Variants in ZNF729 observed in about 807,000 individuals in gnomAD.
ZNF729 encodes zinc finger protein 729.
A neutral mutation model predicts 12.2 loss-of-function variants in ZNF729; 15 were observed. The ratio of observed to expected loss-of-function variants is 1.23; its 90% confidence interval spans 0.82 to 1.89. The LOEUF is 1.89. Among genes scored for constraint, ZNF729 ranks in the 40% most tolerant of loss-of-function variants. ZNF729 has a pLI of 0.00. For synonymous variants in ZNF729, 492 were observed against 476.3 expected (o/e 1.03, Z -0.43); for missense variants, 1,540 against 1,456.7 (o/e 1.06, Z -0.93).
chr19:22,289,226 AT>A (rs373375131), intron 1 of ZNF729, among the ~76,000 whole-genome samples: 2,563 of 140,420 alleles, frequency 0.018, 24 homozygotes, highest in African/African-American at 0.045. Flanking sequence ...CCATTTGTTA[AT>A]TTTTTTTTTT....
chr19:22,286,572 C>A lies in ZNF729; in HGVS notation c.30+17C>A. 1 of 1,613,930 alleles carries A rather than the reference C, an allele frequency of 6.2e-7. No homozygotes were observed. The highest frequency in any genetic ancestry group is 8.5e-7 in the Non-Finnish European group (1 of 1,179,996). On this transcript the variant is annotated intron_variant, in intron 1 of 3. Transcript: ENST00000601693. ...CTAGAAATGGTGAGAGTGCCGGGTC[C>A]GACATCCCGAGAAGGGGAAGGGGCT...
intron 3 of ZNF729, among the ~76,000 whole-genome samples, chr19:22,310,084 A>C (rs1968432890): frequency 6.6e-6 from 1 of 152,066 alleles, no homozygotes; most frequent in Non-Finnish European, 1.5e-5. Context: ...GCTTTGCTGA[A>C]TTATTTTATC....
chr19:22,291,275 CTG>C (rs1022884274), intron 1 of ZNF729, among the ~76,000 whole-genome samples: 1 of 152,112 alleles, frequency 6.6e-6, no homozygotes, highest in Non-Finnish European at 1.5e-5. Flanking sequence ...GCCCATTATC[CTG>C]TGATTTCAGA....
intron 3 of ZNF729, 63 bp from the exon 4 acceptor site, chr19:22,313,607 AT>A: frequency 7.3e-7 from 1 of 1,362,188 alleles, no homozygotes; most frequent in South Asian, 1.9e-5. Context: ...TATAGGTTAG[AT>A]TTGTAAAGTA....
intron 3 of ZNF729, among the ~76,000 whole-genome samples, chr19:22,307,636 G>T (rs192697929): frequency 6.6e-6 from 1 of 150,462 alleles, no homozygotes; most frequent in South Asian, 2.1e-4. Context: ...CCAGGTACTC[G>T]GGAGGCTGAA....
In ZNF729 at chr19:22,313,931, G is replaced by T; in HGVS notation, c.514G>T (p.Val172Phe). 1.3e-6 allele frequency: 2 copies of T among 1,533,636 alleles called. No homozygotes were observed. The highest frequency in any genetic ancestry group is 1.8e-6 in the Non-Finnish European group (2 of 1,141,826). Residue 172 changes from valine to phenylalanine, a missense_variant, in exon 4 of 4, where the codon GTT becomes TTT. Coordinates refer to ENST00000601693, the MANE Select transcript of ZNF729 (RefSeq NM_001242680.2). ...VFHKYSNRNK[V>F]RHTKKKTFKC... The stretch of plus-strand genomic sequence containing the variant: ...TCATAAATATTCAAATAGAAATAAG[G>T]TTAGACACACTAAAAAGAAAACTTT...
intron 1 of ZNF729, among the ~76,000 whole-genome samples, chr19:22,295,525 G>C (rs1203033056): frequency 1.3e-5 from 2 of 151,774 alleles, no homozygotes; most frequent in African/African-American, 4.8e-5. Flanking sequence ...CGAGTAGCTG[G>C]GACTACAGGC....
rs775774033 is a variant in ZNF729, at chr19:22,316,137, C to T, written c.2720C>T (p.Pro907Leu). The change falls in exon 4 of 4, where the codon CCC (proline) becomes CTC (leucine). Residue 907 changes from proline (P) to leucine (L), a missense_variant. Physicochemically the swap from Pro to Leu is moderately conservative, Grantham distance 98. Transcript: ENST00000601693. ...AAGGTAATTCATACTGCAGAGAAAC[C>T]CTGTAAATGTGAAGAATGTGGCAAA... ...VHKVIHTAEK[P>L]CKCEECGKAF... is the part of the protein sequence containing the mutation. 1.9e-6 allele frequency: 3 copies of T among 1,608,700 alleles called. No homozygotes were observed. The highest frequency in any genetic ancestry group is 4.5e-5 in the East Asian group (2 of 44,716).
rs1968537914 is a variant in ZNF729 at position 22,316,192 on chromosome 19, A to G, written c.2775A>G (p.Lys925=). The change falls in exon 4 of 4, where the codon AAA becomes AAG. Residue 925 remains lysine (K), a synonymous_variant. Transcript: ENST00000601693. Reference sequence around the variant, plus strand: ...TTAAGCATTTCTCAGCCCTTAGAAAACATAAGATAATTCATACTGGAAAGA... The same window carrying G: ...TTAAGCATTTCTCAGCCCTTAGAAAGCATAAGATAATTCATACTGGAAAGA... ...KAFKHFSALR[K]HKIIHTGKKP... is the part of the protein sequence containing the mutation. 2 of 1,612,738 alleles carry G rather than the reference A, an allele frequency of 1.2e-6. No homozygotes were observed. Among genetic ancestry groups the G allele is most frequent in the South Asian group, 2.2e-5 (2 of 91,048 alleles).
intron 2 of ZNF729, 144 bp downstream of exon 2, chr19:22,304,028 G>T: frequency 3.5e-5 from 20 of 567,296 alleles, no homozygotes; most frequent in Non-Finnish European, 4.4e-5. Flanking sequence ...TATAAGTGTA[G>T]AAAGGAATTT....
chr19:22,316,742 T>G lies in ZNF729; in HGVS notation c.3325T>G (p.Cys1109Gly), dbSNP rs746827172. The stretch of plus-strand genomic sequence containing the variant: ...AAAGAAACCCTACCAATGTGACGAA[T>G]GTGGCAAAGCTTTTAACAATTCCTC... ...TGKKPYQCDECGKAFNNSSTL... is the reference protein window; with the variant it reads ...TGKKPYQCDEGGKAFNNSSTL... Residue 1109 changes from cysteine to glycine, a missense_variant, in exon 4 of 4, where the codon TGT becomes GGT. Cys to Gly is a radical substitution (Grantham distance 159, BLOSUM62 -3). Transcript: ENST00000601693. The G allele has an allele frequency of 3.7e-6, 6 of 1,612,714 alleles. No individual in the cohort carries two copies. Among genetic ancestry groups the G allele is most frequent in the Non-Finnish European group, 5.1e-6 (6 of 1,179,750 alleles).
intron 1 of ZNF729, among the ~76,000 whole-genome samples, chr19:22,296,212 GTT>G (rs1212604211): frequency 1.3e-5 from 2 of 152,092 alleles, no homozygotes; most frequent in Non-Finnish European, 1.5e-5. Flanking sequence ...CAGGCCCTTC[GTT>G]TTACGTCTGG....
intron 3 of ZNF729, 131 bp downstream of exon 3, chr19:22,304,914 T>C (rs1286248200): frequency 6.1e-6 from 6 of 990,700 alleles, no homozygotes; most frequent in Non-Finnish European, 8.7e-6. Context: ...TGAGATTTTT[T>C]AAATTTTGCT....
At chr19:22,309,455 G>C (rs572034701) in intron 3 of ZNF729, among the ~76,000 whole-genome samples, 6 of 152,072 alleles carry the variant, frequency 3.9e-5, no homozygotes, top group Non-Finnish European at 5.9e-5. Context: ...AGAAAAAAAA[G>C]AAAAGAGTAT....
rs753047853 is a variant in ZNF729 at position 22,313,851 on chromosome 19, G to A, written c.434G>A (p.Cys145Tyr). The A allele has an allele frequency of 1.3e-6, 2 of 1,572,524 alleles. No homozygotes were observed. Among genetic ancestry groups the A allele is most frequent in the African/African-American group, 1.4e-5 (1 of 74,000 alleles). Residue 145 changes from cysteine to tyrosine, a missense_variant, in exon 4 of 4, where the codon TGC becomes TAC. By Grantham distance (194) the Cys-to-Tyr change is radical. Transcript: ENST00000601693. ...HKEGYNKLNQ[C>Y]RTATQRKIFQ... ...GAAGGTTATAATAAACTTAACCAAT[G>A]CAGGACAGCTACCCAGAGAAAAATA...
In ZNF729 at chr19:22,315,353, C is replaced by G. The variant is rs760084901; in HGVS notation, c.1936C>G (p.His646Asp). ...AFRQSSHLTR[H>D]KAIHTGEKPY... ...TAGGCAATCCTCACACCTTACTAGA[C>G]ATAAAGCAATTCATACTGGAGAGAA... The change falls in exon 4 of 4, where the codon CAT becomes GAT. Residue 646 changes from histidine to aspartate, a missense_variant. Coordinates refer to ENST00000601693, the MANE Select transcript of ZNF729 (RefSeq NM_001242680.2). The G allele has an allele frequency of 6.2e-7, 1 of 1,613,518 alleles. No homozygotes were observed. Among genetic ancestry groups the G allele is most frequent in the South Asian group, 1.1e-5 (1 of 91,050 alleles).
chr19:22,312,604 G>A (rs1968465367), intron 3 of ZNF729, among the ~76,000 whole-genome samples: 1 of 152,056 alleles, frequency 6.6e-6, no homozygotes, highest in Admixed American at 6.6e-5. Flanking sequence ...GACTCAAGCT[G>A]TCATTTTAAA....
chr19:22,293,567 A>G lies in ZNF729; in HGVS notation c.30+7012A>G, dbSNP rs111675305. ...GAGTGCAATGGTGTGATCTCGGCTC[A>G]CTGCAACCTCCGCCTCCTGGGTTCA... On this transcript the variant is annotated intron_variant, in intron 1 of 3. Coordinates refer to ENST00000601693, the MANE Select transcript of ZNF729 (RefSeq NM_001242680.2). Among the ~76,000 whole-genome samples, 415 of 127,706 alleles carry G rather than the reference A, an allele frequency of 3.2e-3. 3 individuals are homozygous for G. The highest frequency in any genetic ancestry group is 0.012 in the African/African-American group (403 of 32,340). 83.8% of individuals were successfully genotyped at this position (127,706 alleles called of 152,430 possible). A position where few individuals can be genotyped will look rare whatever the true frequency, so the allele number is the denominator to read the frequency against.
chr19:22,295,357 G>C (rs1365789028), intron 1 of ZNF729, among the ~76,000 whole-genome samples: 1 of 150,596 alleles, frequency 6.6e-6, no homozygotes, highest in Non-Finnish European at 1.5e-5. Flanking sequence ...TCTTAAATAG[G>C]AGCGGTGAGA....
Sources: allele counts gnomAD v4.1 joint callset (sites outside exome capture counted in the v4.1 genomes callset), GRCh38; gene constraint gnomAD v4.1.1; transcripts MANE v1.5; gene names NCBI Gene and HGNC (gene_info 2026-07-23, HGNC 2026-07-21).